EDARADD: variants seen among roughly 807,000 people sequenced by gnomAD.
EDARADD encodes the protein ectodysplasin-A receptor-associated adapter protein.
Under a neutral mutation model 25.6 loss-of-function variants are expected in EDARADD, and 20 were observed. The ratio of observed to expected loss-of-function variants is 0.78; its 90% CI spans 0.55 to 1.14. EDARADD has a LOEUF of 1.14. Ranked by LOEUF, EDARADD falls within the 50% of genes most tolerant of loss-of-function variation. The pLI is 0.00. For synonymous variants in EDARADD, 86 were observed against 94.4 expected (o/e 0.91, Z 0.52); for missense variants, 225 against 270.1 (o/e 0.83, Z 1.17).
intron 3 of EDARADD, among the ~76,000 whole-genome samples, chr1:236,426,534 T>C (rs963467421): frequency 1.3e-5 from 2 of 152,208 alleles, no homozygotes; most frequent in Non-Finnish European, 2.9e-5. Context: ...GTAGGCTGCC[T>C]TCTGGTTCCC....
chr1:236,473,568 A>G (rs968502266), intron 5 of EDARADD, among the ~76,000 whole-genome samples: 5 of 152,172 alleles, frequency 3.3e-5, no homozygotes, highest in African/African-American at 1.2e-4. Context: ...GCTTGAGTCC[A>G]GGAGTTCGAG....
chr1:236,412,414 A>G (rs886454003), intron 2 of EDARADD, among the ~76,000 whole-genome samples: 3 of 152,226 alleles, frequency 2.0e-5, no homozygotes, highest in Admixed American at 1.3e-4. Flanking sequence ...TCCCTCATGC[A>G]AAGTCAGTGC....
intron 5 of EDARADD, among the ~76,000 whole-genome samples, chr1:236,477,825 G>A (rs1659552934): frequency 6.6e-6 from 1 of 152,130 alleles, no homozygotes; most frequent in Non-Finnish European, 1.5e-5. Flanking sequence ...TGAAATGACC[G>A]GGCGCGGTGG....
rs1449222520 is a variant in EDARADD, at chr1:236,389,240, A to G, written c.-5-19976A>G. 2.0e-5 allele frequency among the ~76,000 whole-genome samples: 3 copies of G among 152,278 alleles called. No homozygotes were observed. The East Asian group carries it at 5.8e-4, about 29-fold the overall frequency. On this transcript the variant is annotated intron_variant, in intron 3 of 7. Transcript: ENST00000439430. Reference sequence around the variant, plus strand: ...GAGGATCCCGAGGCTACAGGAGGATATGTAGAATAAAAGTGCCCTCTGCAC... The same window carrying G: ...GAGGATCCCGAGGCTACAGGAGGATGTGTAGAATAAAAGTGCCCTCTGCAC...
intron 3 of EDARADD, among the ~76,000 whole-genome samples, chr1:236,425,978 T>C (rs1038015768): frequency 1.3e-5 from 2 of 151,880 alleles, no homozygotes; most frequent in Admixed American, 6.6e-5. Flanking sequence ...ATCTTTTTTT[T>C]TTATTTTTTT....
At chr1:236,393,043 C>T (rs6674575), upstream of EDARADD, among the ~76,000 whole-genome samples, 113,591 of 152,086 alleles carry the variant, frequency 0.75, 44,538 homozygotes, top group East Asian at 0.92. Flanking sequence ...CCTTGGCCTC[C>T]GAAAGTGCTG....
Position 236,484,207 on chromosome 1 carries a change from G to C in EDARADD, c.*1558G>C. 1 of 1,054,254 alleles carries C rather than the reference G, an allele frequency of 9.5e-7. No individual in the cohort carries two copies. The highest frequency in any genetic ancestry group is 1.5e-6 in the Non-Finnish European group (1 of 670,444). 65.3% of individuals were successfully genotyped at this position (1,054,254 alleles called of 1,614,324 possible). Reference sequence around the variant, plus strand: ...CTCCTGCTCAAAGTGAACCAGATTCGCTCTGTGACTGAGTCCCTTCAGGCG... The same window carrying C: ...CTCCTGCTCAAAGTGAACCAGATTCCCTCTGTGACTGAGTCCCTTCAGGCG... On this transcript the variant is annotated 3_prime_UTR_variant, in exon 6 of 6. Coordinates refer to ENST00000334232, the MANE Select transcript of EDARADD (RefSeq NM_145861.4). This position sits in a 1 kb window ranked among gnomAD's most constrained non-coding sequence, Gnocchi z 4.1.
intron 4 of EDARADD, 58 bp from the exon 5 acceptor site, chr1:236,468,173 T>A (rs1659266240): frequency 2.0e-6 from 3 of 1,531,944 alleles, no homozygotes; most frequent in Non-Finnish European, 2.7e-6. Flanking sequence ...GGAAGATTGA[T>A]AATATCTCCA....
At chr1:236,439,142 T>C (rs1051783368) in intron 4 of EDARADD, among the ~76,000 whole-genome samples, 2 of 152,238 alleles carry the variant, frequency 1.3e-5, no homozygotes, top group Non-Finnish European at 2.9e-5. Context: ...CTTAGTAATA[T>C]GAATTTAAGT....
intron 3 of EDARADD, among the ~76,000 whole-genome samples, chr1:236,378,670 T>C (rs1667254555): frequency 6.6e-6 from 1 of 152,172 alleles, no homozygotes; most frequent in African/African-American, 2.4e-5. Flanking sequence ...GAGAGCAAAA[T>C]AACTATTTTA....
Position 236,482,700 on chromosome 1 carries a change from G to A in EDARADD, c.*51G>A, listed in dbSNP as rs1284291976. ...TCTCCGGATGTTGAAACAACCACAGGTCAAGAAGGAATGTGAATCTGTTGT... is the reference window on the plus strand; with the variant it reads ...TCTCCGGATGTTGAAACAACCACAGATCAAGAAGGAATGTGAATCTGTTGT... On this transcript the variant is annotated 3_prime_UTR_variant, in exon 6 of 6. Coordinates refer to ENST00000334232, the MANE Select transcript of EDARADD (RefSeq NM_145861.4). 3 of 1,606,118 alleles carry A rather than the reference G, an allele frequency of 1.9e-6. No homozygotes were observed. The highest frequency in any genetic ancestry group is 1.7e-5 in the Admixed American group (1 of 60,008).
At position 236,483,847 on chromosome 1, in the gene EDARADD, A is replaced by C. The variant is rs528968509; in HGVS notation, c.*1198A>C. On this transcript the variant is annotated 3_prime_UTR_variant, in exon 6 of 6. Transcript: ENST00000334232. ...AATAAAGAAGGCCTGGAGCTGCTGA[A>C]GACTGCGATTGGGAAAGCTGGCTAC... is the stretch of plus-strand genomic sequence containing the variant. 1 of 1,420,736 alleles carries C rather than the reference A, an allele frequency of 7.0e-7. No individual in the cohort carries two copies. The highest frequency in any genetic ancestry group is 1.4e-5 in the African/African-American group (1 of 71,058). The allele number at this position is 1,420,736 out of a possible 1,614,324, so 88.0% of individuals were successfully genotyped here.
intron 5 of EDARADD, among the ~76,000 whole-genome samples, chr1:236,470,808 A>G (rs1383407625): frequency 6.6e-6 from 1 of 151,958 alleles, no homozygotes; most frequent in Admixed American, 6.6e-5. Context: ...GGGTTTTGCC[A>G]TGTTGGCCAG....
At chr1:236,353,448 A>C (rs1666940723) in intron 3 of EDARADD, among the ~76,000 whole-genome samples, 1 of 152,116 alleles carries the variant, frequency 6.6e-6, no homozygotes, top group Non-Finnish European at 1.5e-5. Context: ...TTGGGAGGCC[A>C]GGGCAGGTGG....
chr1:236,382,319 T>C (rs1000288427), intron 3 of EDARADD, among the ~76,000 whole-genome samples: 1 of 152,222 alleles, frequency 6.6e-6, no homozygotes, highest in African/African-American at 2.4e-5. Context: ...ATAGTTTTAA[T>C]TTCTAAAAGT....
intron 4 of EDARADD, among the ~76,000 whole-genome samples, chr1:236,437,188 C>G (rs1056393889): frequency 1.3e-5 from 2 of 152,156 alleles, no homozygotes; most frequent in African/African-American, 4.8e-5. Flanking sequence ...CAGCACATAT[C>G]CCTAAAGGCA....
chr1:236,458,108 A>C (rs1354870717), intron 4 of EDARADD, among the ~76,000 whole-genome samples: 1 of 152,198 alleles, frequency 6.6e-6, no homozygotes, highest in Non-Finnish European at 1.5e-5. Context: ...GAGAGTGTAA[A>C]TTGATACAAC....
At chr1:236,394,026 C>T (rs1338705179), upstream of EDARADD, among the ~76,000 whole-genome samples, 2 of 151,552 alleles carry the variant, frequency 1.3e-5, no homozygotes. Context: ...TAAAATATAC[C>T]ACCATCTTCT....
intron 4 of EDARADD, among the ~76,000 whole-genome samples, chr1:236,457,605 G>A (rs554420460): frequency 6.6e-6 from 1 of 152,162 alleles, no homozygotes; most frequent in Admixed American, 6.5e-5. Context: ...CGGACGAAGA[G>A]GTCAGGAGAT....
Sources: allele counts gnomAD v4.1 joint callset (sites outside exome capture counted in the v4.1 genomes callset), GRCh38; gene constraint gnomAD v4.1.1; non-coding constraint Gnocchi (gnomAD v3.1); transcripts MANE v1.5; gene names NCBI Gene and HGNC (gene_info 2026-07-23, HGNC 2026-07-21).